TRPM8: variants seen among roughly 807,000 people sequenced by gnomAD.
The protein encoded by TRPM8 is transient receptor potential cation channel subfamily M member 8, also known as TRPM8 cationic channel.
In TRPM8, 110 loss-of-function variants were observed where a neutral mutation model predicts 133.7. That is an observed-to-expected ratio of 0.82 (90% CI 0.70 to 0.96). The LOEUF is 0.96. TRPM8 is among the 40% of genes least tolerant of loss of function. The pLI is 0.00. For synonymous variants in TRPM8, 535 were observed against 532.3 expected, an observed-to-expected ratio of 1.01 and a Z score of -0.07; for missense variants, 1,291 against 1,379.5, an observed-to-expected ratio of 0.94 and a Z score of 1.02.
chr2:233,939,092 TGAC>T lies in TRPM8; in HGVS notation c.444_446del (p.Thr149del). 6.2e-7 allele frequency: 1 copy of T among 1,614,222 alleles called. No homozygotes were observed. The highest frequency in any genetic ancestry group is 8.5e-7 in the Non-Finnish European group (1 of 1,180,042). On this transcript the variant is annotated inframe_deletion, in exon 5 of 26. Transcript: ENST00000324695. ...AAAACACCCAACCTGGTCATTTCTG[TGAC>T]CGGGGGCGCCAAGAACTTCGCCCTG...
intron 8 of TRPM8, among the ~76,000 whole-genome samples, chr2:233,949,682 T>C (rs1691127440): frequency 1.3e-5 from 2 of 152,260 alleles, no homozygotes; most frequent in African/African-American, 4.8e-5. Flanking sequence ...TTTAAAGCAC[T>C]TATCTATAGA....
rs199889367 is a variant in TRPM8 at position 234,006,108 on chromosome 2, TA to T, written c.3131-740del. Among the ~76,000 whole-genome samples, 529 of 152,340 alleles carry T rather than the reference TA, an allele frequency of 3.5e-3. 9 individuals are homozygous for T. Among genetic ancestry groups the T allele is most frequent in the African/African-American group, 0.012 (494 of 41,570 alleles). Reference sequence around the variant, plus strand: ...TACATTTAAATGGTAACTCAAAAGTTAAAAACAACATAATTTTATTCCAAAT... The same window carrying T: ...TACATTTAAATGGTAACTCAAAAGTTAAAACAACATAATTTTATTCCAAAT... On this transcript the variant is annotated intron_variant, in intron 22 of 25. Transcript: ENST00000324695.
chr2:233,983,448 T>C (rs1037705891), intron 20 of TRPM8: 1 of 543,318 alleles, frequency 1.8e-6, no homozygotes, highest in African/African-American at 1.9e-5. Flanking sequence ...TTAAACCTTT[T>C]TAAAAATAGT....
intron 3 of TRPM8, among the ~76,000 whole-genome samples, chr2:233,932,912 C>T (rs1691709217): frequency 6.7e-6 from 1 of 149,204 alleles, no homozygotes; most frequent in Non-Finnish European, 1.5e-5. Flanking sequence ...ACTTGCCACA[C>T]TAGATGACCT....
chr2:233,956,276 C>T (rs1691291703), intron 11 of TRPM8, among the ~76,000 whole-genome samples: 2 of 152,130 alleles, frequency 1.3e-5, no homozygotes, highest in African/African-American at 4.8e-5. Flanking sequence ...CAGGACTTCC[C>T]CTAGCCACAT....
chr2:233,996,640 T>G, intron 22 of TRPM8, 124 bp downstream of exon 22: 2 of 907,172 alleles, frequency 2.2e-6, no homozygotes, highest in Non-Finnish European at 3.4e-6. Context: ...CATCTGTACA[T>G]CTGTAAAGAT....
At chr2:233,973,338 G>C (rs1265322824) in intron 17 of TRPM8, among the ~76,000 whole-genome samples, 3 of 152,206 alleles carry the variant, frequency 2.0e-5, no homozygotes, top group African/African-American at 7.2e-5. Flanking sequence ...CAGCAGGGCT[G>C]ACTCCCTCTG....
intron 21 of TRPM8, among the ~76,000 whole-genome samples, chr2:233,993,003 C>T (rs1192020431): frequency 6.6e-6 from 1 of 152,200 alleles, no homozygotes; most frequent in East Asian, 1.9e-4. Context: ...GGAGAACCCT[C>T]ATGTCTATTT....
intron 5 of TRPM8, 55 bp downstream of exon 5, chr2:233,939,230 G>C: frequency 6.3e-7 from 1 of 1,592,304 alleles, no homozygotes. Flanking sequence ...ACCAAGTTTG[G>C]GGAGCAGAGA....
At chr2:233,950,209 T>G (rs1691142897) in intron 9 of TRPM8, 63 bp downstream of exon 9, 5 of 1,493,192 alleles carry the variant, frequency 3.3e-6, no homozygotes, top group Non-Finnish European at 4.6e-6. Context: ...GAAGGGAGAA[T>G]GCCTTAAACG....
chr2:233,923,188 T>C (rs1033073149), intron 1 of TRPM8, among the ~76,000 whole-genome samples: 4 of 152,188 alleles, frequency 2.6e-5, no homozygotes, highest in African/African-American at 9.7e-5. Flanking sequence ...TTTATTCTTA[T>C]ACTTAAATGA....
chr2:233,998,080 T>C (rs765778301), intron 22 of TRPM8, among the ~76,000 whole-genome samples: 4 of 152,122 alleles, frequency 2.6e-5, no homozygotes, highest in South Asian at 2.1e-4. Context: ...AAAGAAAAGA[T>C]AGAAAGGGCA....
At chr2:233,978,565 T>C (rs1691928511) in intron 17 of TRPM8, among the ~76,000 whole-genome samples, 1 of 152,222 alleles carries the variant, frequency 6.6e-6, no homozygotes, top group Admixed American at 6.5e-5. Context: ...TGCATTTTGC[T>C]TTCTCTTTTA....
At chr2:233,922,748 A>C (rs1691434883) in intron 1 of TRPM8, among the ~76,000 whole-genome samples, 1 of 152,228 alleles carries the variant, frequency 6.6e-6, no homozygotes, top group Admixed American at 6.5e-5. Flanking sequence ...CTCTTAAAAA[A>C]ATGTAAACAC....
chr2:233,946,314 A>G, intron 7 of TRPM8: 2 of 311,762 alleles, frequency 6.4e-6, no homozygotes, highest in Non-Finnish European at 1.2e-5. Flanking sequence ...TTCTTCTGGT[A>G]GATACCATTT....
chr2:233,993,049 A>C (rs1692321308), intron 21 of TRPM8, among the ~76,000 whole-genome samples: 1 of 152,176 alleles, frequency 6.6e-6, no homozygotes, highest in African/African-American at 2.4e-5. Context: ...GAAAAAGAAC[A>C]TTTTGGAAGC....
chr2:233,959,662 A>G (rs1440907781), intron 11 of TRPM8, among the ~76,000 whole-genome samples: 1 of 152,138 alleles, frequency 6.6e-6, no homozygotes, highest in Non-Finnish European at 1.5e-5. Context: ...ATTTTGATGA[A>G]CTTTCTAATT....
intron 5 of TRPM8, among the ~76,000 whole-genome samples, chr2:233,941,723 T>C (rs1690908398): frequency 6.6e-6 from 1 of 152,032 alleles, no homozygotes; most frequent in Non-Finnish European, 1.5e-5. Context: ...TTGTATTTGT[T>C]GTACTTTGCT....
intron 19 of TRPM8, among the ~76,000 whole-genome samples, chr2:233,982,770 T>C (rs1470978812): frequency 6.6e-6 from 1 of 152,210 alleles, no homozygotes; most frequent in Non-Finnish European, 1.5e-5. Context: ...TCCTTTGCTC[T>C]AGAGCTGGGC....
Sources: allele counts gnomAD v4.1 joint callset (sites outside exome capture counted in the v4.1 genomes callset), GRCh38; gene constraint gnomAD v4.1.1; transcripts MANE v1.5; gene names NCBI Gene and HGNC (gene_info 2026-07-23, HGNC 2026-07-21).